Variants in SEL1L3 observed in about 807,000 individuals in gnomAD.
SEL1L3 encodes the protein protein sel-1 homolog 3.
SEL1L3 carries 76 observed loss-of-function variants against 142.8 expected under a neutral mutation model. That is an observed-to-expected ratio of 0.53 (90% CI 0.44 to 0.64). SEL1L3 has a LOEUF of 0.64. SEL1L3 is among the 30% of genes least tolerant of loss of function. The pLI is 0.00. For synonymous variants in SEL1L3, 504 were observed against 519.6 expected (o/e 0.97, Z 0.41); for missense variants, 1,262 against 1,381.7 (o/e 0.91, Z 1.37).
rs569460950 is a variant in SEL1L3 at position 25,787,363 on chromosome 4, CA to C, written c.2217+860del. On this transcript the variant is annotated intron_variant, in intron 13 of 23. Coordinates refer to ENST00000399878, the MANE Select transcript of SEL1L3 (RefSeq NM_015187.5). ...TGAGATGGAGTGTGGCTCTCTCACT[CA>C]GGCTGGAGTGCAGTGGCACGATCTT... Among the ~76,000 whole-genome samples the C allele has an allele frequency of 3.0e-3, 461 of 152,276 alleles. 4 individuals are homozygous for C. The highest frequency in any genetic ancestry group is 0.01 in the African/African-American group (436 of 41,554).
upstream of SEL1L3, chr4:25,863,517 G>T (rs994355514): frequency 2.6e-5 from 18 of 702,720 alleles, no homozygotes; most frequent in African/African-American, 2.8e-4. Flanking sequence ...CGCCATTCCC[G>T]CAGGGCGCAG....
intron 16 of SEL1L3, among the ~76,000 whole-genome samples, chr4:25,778,306 A>G (rs1340113948): frequency 2.6e-5 from 4 of 152,230 alleles, no homozygotes; most frequent in Non-Finnish European, 2.9e-5. Context: ...AGACTCCAGG[A>G]TGGATGTCAC....
intron 2 of SEL1L3, among the ~76,000 whole-genome samples, chr4:25,842,550 G>C (rs73117336): frequency 2.0e-5 from 3 of 152,184 alleles, no homozygotes; most frequent in Admixed American, 6.5e-5. Flanking sequence ...CTTAACTAGC[G>C]CAGCCCTGGT....
chr4:25,802,243 C>T (rs764464120), intron 11 of SEL1L3, 40 bp downstream of exon 11: 118 of 1,563,810 alleles, frequency 7.5e-5, no homozygotes, highest in Non-Finnish European at 1.0e-4. Flanking sequence ...AGCAGGTAAA[C>T]AGGGCCATAA....
At chr4:25,799,131 G>C (rs900651922) in intron 11 of SEL1L3, among the ~76,000 whole-genome samples, 3 of 152,128 alleles carry the variant, frequency 2.0e-5, no homozygotes, top group Non-Finnish European at 4.4e-5. Flanking sequence ...CTGGAGTGCA[G>C]TGGCATGATC....
intron 2 of SEL1L3, among the ~76,000 whole-genome samples, chr4:25,840,927 A>G (rs753221671): frequency 2.6e-5 from 4 of 152,102 alleles, no homozygotes; most frequent in Non-Finnish European, 2.9e-5. Flanking sequence ...ACAAAGGCTT[A>G]TCACCATTTC....
Position 25,833,023 on chromosome 4 carries a change from C to G in SEL1L3, c.1070G>C (p.Arg357Pro), listed in dbSNP as rs778699182. Residue 357 changes from arginine to proline, a missense_variant, in exon 5 of 24, where the codon CGA becomes CCA. This residue lies in a region of SEL1L3 where 689 missense variants were observed against 692.8 expected (regional missense o/e 0.99). Coordinates refer to ENST00000399878, the MANE Select transcript of SEL1L3 (RefSeq NM_015187.5). ...KFIIPLKEWF[R>P]LDISFNGGQI... Reference sequence around the variant, plus strand: ...GCCTCCGTTAAAAGAGATATCCAGTCGAAACCACTCCTTCAAAGGTATGAT... The same window carrying G: ...GCCTCCGTTAAAAGAGATATCCAGTGGAAACCACTCCTTCAAAGGTATGAT... 1.6e-5 allele frequency: 26 copies of G among 1,609,276 alleles called. No individual in the cohort carries two copies. The highest frequency in any genetic ancestry group is 2.2e-5 in the Non-Finnish European group (26 of 1,175,768).
chr4:25,805,924 A>C (rs1713525781), intron 9 of SEL1L3, among the ~76,000 whole-genome samples: 1 of 152,238 alleles, frequency 6.6e-6, no homozygotes, highest in Non-Finnish European at 1.5e-5. Flanking sequence ...GTTAAGTTAA[A>C]TGTCAACTTG....
chr4:25,739,511 C>T, the SEL1L3 span, among the ~76,000 whole-genome samples: 1 of 151,904 alleles, frequency 6.6e-6, no homozygotes, highest in African/African-American at 2.4e-5. Context: ...TCGAGACCAT[C>T]CTGGCCAACA....
At chr4:25,820,037 G>C in intron 7 of SEL1L3, 97 bp from the exon 8 acceptor site, 1 of 1,192,992 alleles carries the variant, frequency 8.4e-7, no homozygotes, top group Non-Finnish European at 1.2e-6. Flanking sequence ...TTCTCCCATT[G>C]ACATCTCCAG....
the SEL1L3 span, among the ~76,000 whole-genome samples, chr4:25,732,021 C>T: frequency 2.6e-4 from 39 of 151,936 alleles, 1 homozygote; most frequent in South Asian, 6.2e-3. Context: ...TTGCAGTGAT[C>T]GGAAATCACA....
At chr4:25,835,746 G>C (rs1715776225) in intron 2 of SEL1L3, among the ~76,000 whole-genome samples, 1 of 152,168 alleles carries the variant, frequency 6.6e-6, no homozygotes, top group Non-Finnish European at 1.5e-5. Context: ...CTATGGTCCT[G>C]ACATTTCTGT....
intron 1 of SEL1L3, among the ~76,000 whole-genome samples, chr4:25,858,888 T>G (rs1717471231): frequency 6.6e-6 from 1 of 152,204 alleles, no homozygotes; most frequent in African/African-American, 2.4e-5. Flanking sequence ...CCAGCCTCTG[T>G]GCTGTTAATG....
At chr4:25,755,003 A>T (rs1577554934) in intron 23 of SEL1L3, among the ~76,000 whole-genome samples, 1 of 152,200 alleles carries the variant, frequency 6.6e-6, no homozygotes, top group Non-Finnish European at 1.5e-5. Context: ...GAGGCAGATG[A>T]CAATCACTGT....
the SEL1L3 span, among the ~76,000 whole-genome samples, chr4:25,727,000 G>A: frequency 2.0e-5 from 3 of 148,428 alleles, no homozygotes; most frequent in Non-Finnish European, 3.0e-5. Flanking sequence ...GTGGTTGGTC[G>A]TCCCCCAGCG....
At chr4:25,729,046 C>T in the SEL1L3 span, among the ~76,000 whole-genome samples, 1 of 151,616 alleles carries the variant, frequency 6.6e-6, no homozygotes, top group Admixed American at 6.6e-5. Flanking sequence ...TTTTTTTTCC[C>T]CAACCATTAA....
chr4:25,863,263 C>T (rs574230039), upstream of SEL1L3, among the ~76,000 whole-genome samples: 104 of 118,470 alleles, frequency 8.8e-4, 2 homozygotes, highest in Admixed American at 7.2e-3. Flanking sequence ...CCCCCGCCCC[C>T]CTTCCGCGCT....
rs1335021433 is a variant in SEL1L3, at chr4:25,830,145, G to A, written c.1110C>T (p.Thr370=). Residue 370 remains threonine (T), a synonymous_variant, in exon 6 of 24, where the codon ACC becomes ACT. Transcript: ENST00000399878. Reference sequence around the variant, plus strand: ...TTTTCAAATCCTGTCCAATGCTAGTGGTTACTACTATCTATGATGGGAGGG... The same window carrying A: ...TTTTCAAATCCTGTCCAATGCTAGTAGTTACTACTATCTATGATGGGAGGG... The part of the protein sequence containing the change: ...ISFNGGQIVV[T]TSIGQDLKSY... 18 of 1,606,036 alleles carry A rather than the reference G, an allele frequency of 1.1e-5. No individual in the cohort carries two copies. The highest frequency in any genetic ancestry group is 1.4e-5 in the Non-Finnish European group (17 of 1,172,938).
At position 25,805,269 on chromosome 4, in the gene SEL1L3, A is replaced by G. The variant is rs1417489845; in HGVS notation, c.1565-517T>C. Among the ~76,000 whole-genome samples the G allele has an allele frequency of 2.0e-5, 3 of 152,358 alleles. No homozygotes were observed. In the East Asian group the frequency reaches 5.8e-4, roughly 29 times the overall value. On this transcript the variant is annotated intron_variant, in intron 9 of 23. Transcript: ENST00000399878. ...GAGTCAACTTTTATTGAGAGCTTAC[A>G]ACATGCCAAGTACTGGGTTAAGTGT...
Sources: allele counts gnomAD v4.1 joint callset (sites outside exome capture counted in the v4.1 genomes callset), GRCh38; gene constraint gnomAD v4.1.1; regional missense constraint gnomAD v4.1.1; transcripts MANE v1.5; gene names NCBI Gene and HGNC (gene_info 2026-07-23, HGNC 2026-07-21).